PLEKHS1: variants seen among roughly 807,000 people sequenced by gnomAD.
PLEKHS1 encodes the protein pleckstrin homology domain containing S1, also known as pleckstrin homology domain-containing family S member 1.
In PLEKHS1, 55 loss-of-function variants were observed where a neutral mutation model predicts 51.0. The observed-to-expected ratio is 1.08, with a 90% CI of 0.87 to 1.35. The LOEUF (loss-of-function observed/expected upper bound fraction) is 1.35. Among genes scored for constraint, PLEKHS1 ranks in the 40% most tolerant of loss-of-function variants. PLEKHS1 has a pLI of 0.00. For missense variants in PLEKHS1, 398 were observed against 423.0 expected, an observed-to-expected ratio of 0.94 and a Z score of 0.52; for synonymous variants, 153 against 144.8, an observed-to-expected ratio of 1.06 and a Z score of -0.41.
At chr10:113,779,163 G>C (rs962288786) in intron 11 of PLEKHS1, among the ~76,000 whole-genome samples, 10 of 152,196 alleles carry the variant, frequency 6.6e-5, no homozygotes, top group Admixed American at 3.9e-4. Flanking sequence ...CTCAAAGAAA[G>C]TGGTGTTTGG....
chr10:113,777,831 C>T (rs570696467), intron 11 of PLEKHS1: 2 of 1,363,500 alleles, frequency 1.5e-6, no homozygotes, highest in Admixed American at 5.8e-5. Flanking sequence ...AAGAATTAAA[C>T]ATAATATGTG....
At chr10:113,766,584 T>A (rs368298647) in intron 3 of PLEKHS1, 28 bp from the exon 4 acceptor site, 174 of 1,589,504 alleles carry the variant, frequency 1.1e-4, no homozygotes, top group Non-Finnish European at 1.4e-4. Context: ...GAGATTTAAC[T>A]AAGACATAAA....
chr10:113,765,530 G>A, intron 2 of PLEKHS1: 4 of 612,372 alleles, frequency 6.5e-6, no homozygotes, highest in Admixed American at 2.6e-5. Flanking sequence ...TGGCTTAGCA[G>A]ACAAAAGCAA....
Position 113,769,905 on chromosome 10 carries a change from T to C in PLEKHS1, c.552+5T>C, listed in dbSNP as rs1564823408. ...AGAAATGGTCTCCAAGACAAGGTAA[T>C]GGGGCTCACTTCTTTCTCAGGACAC... is the stretch of plus-strand genomic sequence containing the variant. On this transcript the variant is annotated splice_donor_5th_base_variant and intron_variant, in intron 7 of 11. Coordinates refer to ENST00000361048, the Ensembl canonical transcript of PLEKHS1. 2 of 1,595,394 alleles carry C rather than the reference T, an allele frequency of 1.3e-6. No homozygotes were observed. The highest frequency in any genetic ancestry group is 2.2e-5 in the South Asian group (2 of 90,652).
chr10:113,770,777 G>A (rs1373799584), intron 7 of PLEKHS1, among the ~76,000 whole-genome samples: 1 of 152,130 alleles, frequency 6.6e-6, no homozygotes, highest in Admixed American at 6.6e-5. Context: ...TTTCACTCAT[G>A]ATATCTCCCT....
At chr10:113,775,239 CG>C (rs1240472741) in intron 10 of PLEKHS1, among the ~76,000 whole-genome samples, 1 of 151,746 alleles carries the variant, frequency 6.6e-6, no homozygotes, top group African/African-American at 2.4e-5. Flanking sequence ...GTTCCTGGGG[CG>C]GGGGGTGGCA....
chr10:113,761,374 G>A, intron 2 of PLEKHS1, among the ~76,000 whole-genome samples: 1 of 152,214 alleles, frequency 6.6e-6, no homozygotes, highest in South Asian at 2.1e-4. Context: ...GCTTTAGGTA[G>A]TATTTATATC....
chr10:113,774,685 G>A, intron 9 of PLEKHS1, 141 bp from the exon 10 acceptor site: 1 of 712,158 alleles, frequency 1.4e-6, no homozygotes, highest in Non-Finnish European at 2.4e-6. Flanking sequence ...GCTAGCTGTG[G>A]CTGTGATTCT....
chr10:113,753,380 T>C (rs1223938512), intron 1 of PLEKHS1, among the ~76,000 whole-genome samples: 1 of 152,148 alleles, frequency 6.6e-6, no homozygotes, highest in Admixed American at 6.5e-5. Flanking sequence ...TCCATGCATT[T>C]TGGGGAGTGG....
rs5788045 is a variant in PLEKHS1, at chr10:113,774,721, TG to T, written c.780-104del. 4,808 of 967,820 alleles carry T rather than the reference TG, an allele frequency of 5.0e-3. 143 individuals are homozygous for T. The African/African-American group carries it at 0.068, about 14-fold the overall frequency. The allele number at this position is 967,820 out of a possible 1,614,324, so 60.0% of individuals were successfully genotyped here. A position where few individuals can be genotyped will look rare whatever the true frequency, so the allele number is the denominator to read the frequency against. On this transcript the variant is annotated intron_variant, in intron 9 of 11. Coordinates refer to ENST00000361048, the Ensembl canonical transcript of PLEKHS1. ...GATAGTTGGACATACGTCAAGACCTTGCTAGTCTTCACATGGCTGTTAGCTA... is the reference window on the plus strand; with the variant it reads ...GATAGTTGGACATACGTCAAGACCTTCTAGTCTTCACATGGCTGTTAGCTA...
chr10:113,764,551 T>C (rs1202446330), intron 2 of PLEKHS1, among the ~76,000 whole-genome samples: 2 of 152,236 alleles, frequency 1.3e-5, no homozygotes, highest in African/African-American at 4.8e-5. Flanking sequence ...TTTTGAACAA[T>C]TGAGTTATGA....
exon 11 of PLEKHS1, chr10:113,775,806 T>C (rs1844624491): frequency 6.2e-7 from 1 of 1,613,046 alleles, no homozygotes; most frequent in East Asian, 2.2e-5. Flanking sequence ...CTGAACGTTT[T>C]CCTTTCTCCT....
In PLEKHS1 at chr10:113,772,013, T is replaced by C. The variant is rs1276040964; in HGVS notation, c.596T>C (p.Leu199Pro). 1.9e-6 allele frequency: 3 copies of C among 1,613,606 alleles called. No individual in the cohort carries two copies. The highest frequency in any genetic ancestry group is 2.2e-5 in the East Asian group (1 of 44,880). Residue 199 changes from leucine (L) to proline (P), a missense_variant, in exon 8 of 12, where the codon CTA becomes CCA. Transcript: ENST00000361048. ...TCTCCAGGATTTAGGCAAACTCACC[T>C]ACAAGATTTATCAGAAGCCACTCAA...
At chr10:113,774,203 T>TAA in intron 8 of PLEKHS1, 24 bp from the exon 9 acceptor site, 1 of 1,427,544 alleles carries the variant, frequency 7.0e-7, no homozygotes, top group Non-Finnish European at 9.8e-7. Flanking sequence ...CTGGGATTCT[T>TAA]ACATCTATTC....
exon 8 of PLEKHS1, chr10:113,771,976 A>G: frequency 6.2e-7 from 1 of 1,610,004 alleles, no homozygotes; most frequent in East Asian, 2.2e-5. Context: ...TCAGCATTTA[A>G]TGGAACAAAG....
chr10:113,776,021 G>C (rs1292315207), intron 11 of PLEKHS1, among the ~76,000 whole-genome samples, 155 bp downstream of exon 11: 1 of 152,166 alleles, frequency 6.6e-6, no homozygotes, highest in Non-Finnish European at 1.5e-5. Context: ...AAAAATCTTT[G>C]AGGCAGAAAT....
intron 2 of PLEKHS1, among the ~76,000 whole-genome samples, chr10:113,761,685 A>G (rs568095826): frequency 6.6e-6 from 1 of 152,130 alleles, no homozygotes; most frequent in Non-Finnish European, 1.5e-5. Context: ...GATTTTTAAC[A>G]TATGAGATTA....
chr10:113,774,399 A>C, intron 9 of PLEKHS1, 66 bp downstream of exon 9: 1 of 935,888 alleles, frequency 1.1e-6, no homozygotes, highest in Non-Finnish European at 1.6e-6. Flanking sequence ...AATGATTGTC[A>C]GTTCATTTCA....
rs779890465 is a variant in PLEKHS1, at chr10:113,775,884, C to T, written c.1091+18C>T. 60 of 1,555,244 alleles carry T rather than the reference C, an allele frequency of 3.9e-5. No individual in the cohort carries two copies. The highest frequency in any genetic ancestry group is 4.5e-5 in the Non-Finnish European group (51 of 1,132,660). On this transcript the variant is annotated intron_variant, in intron 11 of 11. Coordinates refer to ENST00000361048, the Ensembl canonical transcript of PLEKHS1. ...CGGATATGGTAGGTTGGAGATTTGACTGTTGTGGATTATAAATGGGGCTGG... is the reference window on the plus strand; with the variant it reads ...CGGATATGGTAGGTTGGAGATTTGATTGTTGTGGATTATAAATGGGGCTGG...
Sources: allele counts gnomAD v4.1 joint callset (sites outside exome capture counted in the v4.1 genomes callset), GRCh38; gene constraint gnomAD v4.1.1; transcripts MANE v1.5; gene names NCBI Gene and HGNC (gene_info 2026-07-23, HGNC 2026-07-21).